EFCAB11: variants seen among roughly 807,000 people sequenced by gnomAD.
EFCAB11 encodes the protein EF-hand calcium binding domain 11, also known as EF-hand calcium-binding domain-containing protein 11.
Under a neutral mutation model 23.0 loss-of-function variants are expected in EFCAB11, and 14 were observed. The observed-to-expected ratio is 0.61, with a 90% CI of 0.40 to 0.95. EFCAB11 has a LOEUF of 0.95. Among genes scored for constraint, EFCAB11 ranks in the 40% least tolerant of loss-of-function variants. The pLI, the probability that EFCAB11 is intolerant of heterozygous loss-of-function variation, is 0.00. For synonymous variants in EFCAB11, 65 were observed against 66.6 expected (o/e 0.98, Z 0.11); for missense variants, 198 against 195.8 (o/e 1.01, Z -0.07).
intron 5 of EFCAB11, among the ~76,000 whole-genome samples, chr14:89,894,771 A>G (rs10132004): frequency 0.32 from 48,647 of 151,912 alleles, 11,999 homozygotes; most frequent in African/African-American, 0.68. Flanking sequence ...TACAAAGTTA[A>G]CAAGGTTGTT....
At chr14:89,937,686 C>T (rs867911783) in intron 3 of EFCAB11, among the ~76,000 whole-genome samples, 3 of 151,956 alleles carry the variant, frequency 2.0e-5, no homozygotes, top group African/African-American at 4.8e-5. Context: ...CCATCACACC[C>T]GGCTAATTTT....
At chr14:89,838,064 G>A (rs1286955956) in intron 5 of EFCAB11, among the ~76,000 whole-genome samples, 1 of 152,208 alleles carries the variant, frequency 6.6e-6, no homozygotes, top group Non-Finnish European at 1.5e-5. Flanking sequence ...GCCTGGGGTT[G>A]AGACAATTCC....
intron 5 of EFCAB11, among the ~76,000 whole-genome samples, chr14:89,910,021 T>C (rs1889624267): frequency 6.6e-6 from 1 of 152,212 alleles, no homozygotes. Context: ...ATTAACCATC[T>C]TGGATTCTAA....
At chr14:89,851,965 C>G (rs1054852294) in intron 5 of EFCAB11, among the ~76,000 whole-genome samples, 1 of 152,154 alleles carries the variant, frequency 6.6e-6, no homozygotes, top group African/African-American at 2.4e-5. Flanking sequence ...CCATCGAATG[C>G]CAAAAGAGTC....
chr14:89,943,358 C>T (rs977018327), intron 3 of EFCAB11, among the ~76,000 whole-genome samples: 5 of 151,438 alleles, frequency 3.3e-5, no homozygotes. Context: ...CAATCCTCTA[C>T]CTCAGCCCCC....
chr14:89,822,083 T>C (rs1886537979), intron 5 of EFCAB11, among the ~76,000 whole-genome samples: 1 of 152,202 alleles, frequency 6.6e-6, no homozygotes, highest in Non-Finnish European at 1.5e-5. Context: ...CTCGAGGTTT[T>C]TTTTATGTTT....
chr14:89,825,409 C>T (rs1433051866), intron 5 of EFCAB11, among the ~76,000 whole-genome samples: 1 of 152,006 alleles, frequency 6.6e-6, no homozygotes, highest in Non-Finnish European at 1.5e-5. Flanking sequence ...ATGATCAAAA[C>T]ATCCACCTTA....
At chr14:89,852,537 T>C (rs1358263427) in intron 5 of EFCAB11, among the ~76,000 whole-genome samples, 1 of 152,242 alleles carries the variant, frequency 6.6e-6, no homozygotes, top group East Asian at 1.9e-4. Context: ...TGTGAGTCTG[T>C]TCCCCAGGAG....
At chr14:89,877,836 T>G (rs1413516610) in intron 5 of EFCAB11, among the ~76,000 whole-genome samples, 1 of 152,170 alleles carries the variant, frequency 6.6e-6, no homozygotes, top group Non-Finnish European at 1.5e-5. Flanking sequence ...ATTGGATAAC[T>G]ATTTTGAGAG....
intron 5 of EFCAB11, among the ~76,000 whole-genome samples, chr14:89,865,824 T>C (rs559697567): frequency 0.017 from 374 of 22,060 alleles, 1 homozygote; most frequent in African/African-American, 0.036. Flanking sequence ...ACCACCATGC[T>C]CGGCTAATTT....
chr14:89,889,145 C>T (rs1888884472), intron 5 of EFCAB11, among the ~76,000 whole-genome samples: 1 of 152,150 alleles, frequency 6.6e-6, no homozygotes, highest in East Asian at 1.9e-4. Context: ...CATGAAACAA[C>T]ACTGAAGATT....
At chr14:89,918,057 T>A (rs1038501829) in intron 5 of EFCAB11, among the ~76,000 whole-genome samples, 1 of 151,852 alleles carries the variant, frequency 6.6e-6, no homozygotes, top group African/African-American at 2.4e-5. Flanking sequence ...CAACTGGAGG[T>A]ACTTAGTTGG....
At chr14:89,893,466 T>G (rs1320487748) in intron 5 of EFCAB11, among the ~76,000 whole-genome samples, 1 of 151,884 alleles carries the variant, frequency 6.6e-6, no homozygotes, top group Admixed American at 6.6e-5. Context: ...ATCAACCCTC[T>G]CCCCAGCTGC....
intron 5 of EFCAB11, among the ~76,000 whole-genome samples, chr14:89,885,288 G>C (rs1888718124): frequency 6.6e-6 from 1 of 152,066 alleles, no homozygotes; most frequent in Non-Finnish European, 1.5e-5. Flanking sequence ...AAAAACAAAA[G>C]GATATACTTT....
chr14:89,855,251 G>GA (rs35693142), intron 5 of EFCAB11, among the ~76,000 whole-genome samples: 1 of 151,896 alleles, frequency 6.6e-6, no homozygotes, highest in Non-Finnish European at 1.5e-5. Flanking sequence ...AGAGGCAGGA[G>GA]AATCACTTGA....
intron 5 of EFCAB11, among the ~76,000 whole-genome samples, chr14:89,875,146 G>A (rs747857789): frequency 9.2e-5 from 14 of 152,278 alleles, no homozygotes; most frequent in Middle Eastern, 3.4e-3. Context: ...ACTGCTCGGG[G>A]TTCGCGTAAC....
rs1266590468 is a variant in EFCAB11 at position 89,906,216 on chromosome 14, TA to T, written c.410+25324del. On this transcript the variant is annotated intron_variant, in intron 5 of 5. Transcript: ENST00000316738. ...ATAAATAAATAAATAAATAAATAAA[TA>T]AATTAAAGGTAACTTTCCCCATCAT... Among the ~76,000 whole-genome samples, 11 of 148,870 alleles carry T rather than the reference TA, an allele frequency of 7.4e-5. No individual in the cohort carries two copies. In the East Asian group the frequency reaches 9.7e-4, roughly 13 times the overall value.
At chr14:89,923,632 T>C in intron 5 of EFCAB11, 1 of 954,730 alleles carries the variant, frequency 1.0e-6, no homozygotes, top group Non-Finnish European at 1.2e-6. Context: ...TTTGTAGGTG[T>C]TTTTATGGAT....
At chr14:89,931,387 T>C (rs899968307) in intron 5 of EFCAB11, 154 bp downstream of exon 5, 22 of 698,218 alleles carry the variant, frequency 3.2e-5, no homozygotes, top group Non-Finnish European at 4.3e-5. Context: ...TAGCTAACTA[T>C]AGATTTCCCT....
Sources: allele counts gnomAD v4.1 joint callset (sites outside exome capture counted in the v4.1 genomes callset), GRCh38; gene constraint gnomAD v4.1.1; transcripts MANE v1.5; gene names NCBI Gene and HGNC (gene_info 2026-07-23, HGNC 2026-07-21).